Variants in DLG5 observed in about 807,000 individuals in gnomAD.
DLG5 encodes discs large MAGUK scaffold protein 5.
DLG5 carries 48 observed loss-of-function variants against 189.8 expected under a neutral mutation model. The observed-to-expected ratio is 0.25, with a 90% CI of 0.20 to 0.32. The LOEUF is 0.32. DLG5 is among the 10% of genes least tolerant of loss of function. DLG5 has a pLI of 1.00. For synonymous variants in DLG5, 1,016 were observed against 1,054.1 expected (o/e 0.96, Z 0.70); for missense variants, 2,160 against 2,544.7 (o/e 0.85, Z 3.25).
the DLG5 span, among the ~76,000 whole-genome samples, chr10:77,932,022 A>G: frequency 2.6e-5 from 4 of 152,340 alleles, no homozygotes; most frequent in Admixed American, 1.3e-4. Flanking sequence ...GTAGGTCAGA[A>G]TGCCTGACTG....
chr10:77,824,628 T>C (rs1842525426), intron 13 of DLG5, 152 bp from the exon 14 acceptor site: 1 of 624,526 alleles, frequency 1.6e-6, no homozygotes, highest in Non-Finnish European at 2.8e-6. Flanking sequence ...GTCTTTCTGG[T>C]GAGGCCCAAG....
At chr10:77,888,835 G>A (rs1475694422) in intron 1 of DLG5, among the ~76,000 whole-genome samples, 7 of 152,198 alleles carry the variant, frequency 4.6e-5, no homozygotes, top group Admixed American at 4.6e-4. Flanking sequence ...TCTTTTATAT[G>A]TGGGTTGTGT....
Position 77,812,267 on chromosome 10 carries a change from A to G in DLG5, c.4136T>C (p.Val1379Ala). The G allele has an allele frequency of 1.2e-6, 2 of 1,614,196 alleles. No homozygotes were observed. Among genetic ancestry groups the G allele is most frequent in the South Asian group, 2.2e-5 (2 of 91,086 alleles). Reference protein sequence around the residue: ...KGGIYVSKVTVGSIAHQAGLE... With the variant: ...KGGIYVSKVTAGSIAHQAGLE... ...GCCAGCCTGGTGAGCGATGCTCCCC[A>G]CGGTCACCTTGGAGACGTAGATGCC... Residue 1379 changes from valine to alanine, a missense_variant, in exon 21 of 32, where the codon GTG (valine) becomes GCG (alanine). Val to Ala is a moderately conservative substitution (Grantham distance 64). Around this residue, in one of 5 missense-constraint regions of DLG5, gnomAD observed 61 missense variants for 101.0 expected, o/e 0.60. Coordinates refer to ENST00000372391, the MANE Select transcript of DLG5 (RefSeq NM_004747.4).
At chr10:77,820,260 C>T (rs990712444) in intron 15 of DLG5, 7 of 435,260 alleles carry the variant, frequency 1.6e-5, no homozygotes, top group African/African-American at 1.5e-4. Context: ...GCAGGAGAAT[C>T]GCTTGAACTC....
intron 1 of DLG5, among the ~76,000 whole-genome samples, chr10:77,890,369 C>A (rs1180769505): frequency 1.3e-5 from 2 of 152,164 alleles, no homozygotes; most frequent in African/African-American, 4.8e-5. Context: ...TGTGGCCACA[C>A]CTCTCATAGC....
At chr10:77,939,097 T>G in the DLG5 span, among the ~76,000 whole-genome samples, 2 of 152,170 alleles carry the variant, frequency 1.3e-5, no homozygotes, top group Non-Finnish European at 2.9e-5. Context: ...GGAGAATCAC[T>G]TGAACCCGGG....
In DLG5 at chr10:77,842,141, G is replaced by A; in HGVS notation, c.1177C>T (p.Leu393=). ...TGCAGCAGCTCCATCTCCCACTGCA[G>A]GTCCTTGTTCTGCGCCGTGGCCTTG... The part of the protein sequence containing the change: ...LNKATAQNKD[L]QWEMELLQSE... Residue 393 remains leucine (L), a synonymous_variant, in exon 7 of 32, where the codon CTG becomes TTG. Coordinates refer to ENST00000372391, the MANE Select transcript of DLG5 (RefSeq NM_004747.4). 2 of 1,610,606 alleles carry A rather than the reference G, an allele frequency of 1.2e-6. No homozygotes were observed. The highest frequency in any genetic ancestry group is 1.1e-5 in the South Asian group (1 of 91,084).
intron 15 of DLG5, 107 bp from the exon 16 acceptor site, chr10:77,820,125 C>G (rs1568146572): frequency 2.7e-6 from 4 of 1,487,312 alleles, no homozygotes; most frequent in African/African-American, 1.4e-5. Flanking sequence ...GCGGGCAGAT[C>G]ACCTAAGGTC....
intron 1 of DLG5, among the ~76,000 whole-genome samples, chr10:77,882,699 G>T (rs968715701): frequency 1.3e-5 from 2 of 151,724 alleles, no homozygotes; most frequent in Non-Finnish European, 2.9e-5. Flanking sequence ...ATCACTTGAG[G>T]CCAGGAGTTG....
intron 24 of DLG5, 140 bp downstream of exon 24, chr10:77,809,404 TCAA>T (rs916598728): frequency 1.0e-4 from 96 of 914,814 alleles, no homozygotes; most frequent in Admixed American, 1.3e-4. Flanking sequence ...AGACTCTGCC[TCAA>T]CAACAACAAC....
In DLG5 at chr10:77,795,846, G is replaced by A. The variant is rs1002368016; in HGVS notation, c.5436+215C>T. ...GGAAGATGGGGCGGCACATACACAG[G>A]GGAACTCCTCCATCCCCACCAAGGG... On this transcript the variant is annotated intron_variant, in intron 29 of 31. Transcript: ENST00000372391. Among the ~76,000 whole-genome samples, 9 of 152,218 alleles carry A rather than the reference G, an allele frequency of 5.9e-5. No individual in the cohort carries two copies. In the East Asian group the frequency reaches 1.7e-3, roughly 29 times the overall value.
chr10:77,833,544 CGAGTGAGTGAGTGAGTGAGT>C (rs66534828), intron 9 of DLG5, among the ~76,000 whole-genome samples: 2 of 150,790 alleles, frequency 1.3e-5, no homozygotes, highest in Non-Finnish European at 1.5e-5. Context: ...AAAATCTCTG[CGAGTGAGTGAGTGAGTGAGT>C]GAGTGAGTGA....
At chr10:77,822,228 A>G (rs1471903306) in intron 14 of DLG5, 127 bp from the exon 15 acceptor site, 2 of 958,144 alleles carry the variant, frequency 2.1e-6, no homozygotes, top group Admixed American at 2.8e-5. Flanking sequence ...AAAAAGAGAC[A>G]GATAGACAGA....
Position 77,794,120 on chromosome 10 carries a change from G to A in DLG5, c.5547-3C>T. The A allele has an allele frequency of 6.2e-7, 1 of 1,613,164 alleles. No individual in the cohort carries two copies. The highest frequency in any genetic ancestry group is 8.5e-7 in the Non-Finnish European group (1 of 1,179,170). ...GGTAGATGGGGTCTCTCTGCTCCCT[G>A]TGGGGACAGCCAGACACCAGGCTGA... On this transcript the variant is annotated splice_polypyrimidine_tract_variant and splice_region_variant and intron_variant, in intron 30 of 31. Transcript: ENST00000372391.
chr10:77,806,724 G>GGCCCCCC, intron 26 of DLG5, 34 bp downstream of exon 26: 1 of 1,016,164 alleles, frequency 9.8e-7, no homozygotes, highest in Non-Finnish European at 1.5e-6. Flanking sequence ...GGCGACCCCT[G>GGCCCCCC]CCCCACCCCA....
chr10:77,796,659 G>GGAACCCC lies in DLG5; in HGVS notation c.5165-72_5165-66dup. 2.5e-6 allele frequency: 4 copies of GGAACCCC among 1,597,390 alleles called. 1 individual carries two copies. The South Asian group carries it at 3.3e-5, about 13-fold the overall frequency. On this transcript the variant is annotated intron_variant, in intron 27 of 31. Coordinates refer to ENST00000372391, the MANE Select transcript of DLG5 (RefSeq NM_004747.4). The surrounding 1 kb of genome is among the most constrained non-coding windows in gnomAD (Gnocchi z 5.2). ...GAGTGGAGGACCTGAGTGGGGCTGG[G>GGAACCCC]GAACCCCGCTCCCTGACCTCGCCCA...
intron 27 of DLG5, among the ~76,000 whole-genome samples, chr10:77,802,079 G>C (rs1841234351): frequency 6.6e-6 from 1 of 152,194 alleles, no homozygotes; most frequent in African/African-American, 2.4e-5. Flanking sequence ...CCAGAAGCTG[G>C]GAGGGGCAAG....
chr10:77,817,818 G>T lies in DLG5; in HGVS notation c.3743C>A (p.Ala1248Asp). 6.4e-7 allele frequency: 1 copy of T among 1,555,928 alleles called. No homozygotes were observed. Among genetic ancestry groups the T allele is most frequent in the South Asian group, 1.2e-5 (1 of 84,316 alleles). ...GGGCAGTGAGTTGGACCCATGGGTG[G>T]CTCTCATCTCGGAGTAGTCGCTGCA... Reference protein sequence around the residue: ...RTCSDYSEMRATHGSNSLPSS... With the variant: ...RTCSDYSEMRDTHGSNSLPSS... Residue 1248 changes from alanine (A) to aspartate (D), a missense_variant, in exon 18 of 32, where the codon GCC becomes GAC. By Grantham distance (126) the Ala-to-Asp change is moderately radical (BLOSUM62 -2). Transcript: ENST00000372391.
chr10:77,834,848 T>C (rs1035129659), intron 8 of DLG5, among the ~76,000 whole-genome samples: 10 of 152,170 alleles, frequency 6.6e-5, no homozygotes, highest in African/African-American at 2.2e-4. Flanking sequence ...GGCACCTAAC[T>C]GTGCTCTCCA....
Sources: gnomAD v4.1 joint callset for allele counts (sites outside exome capture counted in the v4.1 genomes callset) on GRCh38, gnomAD v4.1.1 for gene constraint, gnomAD v4.1.1 regional missense constraint, Gnocchi (gnomAD v3.1) non-coding constraint, MANE v1.5 for transcripts, NCBI Gene and HGNC (gene_info 2026-07-23, HGNC 2026-07-21) for gene names.